The following METTL15 variants were observed in gnomAD, a reference collection of about 807,000 sequenced individuals.
The protein encoded by METTL15 is 12S rRNA N(4)-cytidine methyltransferase METTL15.
In METTL15, 34 loss-of-function variants were observed where a neutral mutation model predicts 38.3. That is an observed-to-expected ratio of 0.89 (90% CI 0.68 to 1.18). The LOEUF is 1.18. Among genes scored for constraint, METTL15 ranks in the 50% most tolerant of loss-of-function variants. METTL15 has a pLI of 0.00. For missense variants in METTL15, 438 were observed against 498.4 expected (o/e 0.88, Z 1.15); for synonymous variants, 162 against 170.9 (o/e 0.95, Z 0.41).
chr11:28,362,633 T>C (rs986881910), intron 5 of METTL15, among the ~76,000 whole-genome samples: 3 of 152,218 alleles, frequency 2.0e-5, no homozygotes, highest in African/African-American at 7.2e-5. Context: ...TAATGAATGG[T>C]CTTCAGCTTT....
Position 28,235,813 on chromosome 11 carries a change from C to A in METTL15, c.407+24615C>A, listed in dbSNP as rs201246430. Among the ~76,000 whole-genome samples the A allele has an allele frequency of 1.2e-4, 18 of 152,268 alleles. No individual in the cohort carries two copies. In the East Asian group the frequency reaches 1.4e-3, roughly 11 times the overall value. The stretch of plus-strand genomic sequence containing the variant: ...TACCCTTTATTTCCTTCTCCTGCCT[C>A]ATTGCCCTGGCCAGAACTTCCCACA... On this transcript the variant is annotated intron_variant, in intron 4 of 6. Coordinates refer to ENST00000407364, the MANE Select transcript of METTL15 (RefSeq NM_001113528.2).
intron 6 of METTL15, among the ~76,000 whole-genome samples, chr11:28,428,736 C>T (rs984866123): frequency 1.3e-5 from 2 of 152,172 alleles, no homozygotes; most frequent in Admixed American, 6.5e-5. Flanking sequence ...ACATAATCCT[C>T]GACCTAGTCC....
chr11:28,527,870 CTT>C (rs1248572922), downstream of METTL15, among the ~76,000 whole-genome samples: 3 of 152,152 alleles, frequency 2.0e-5, no homozygotes, highest in Non-Finnish European at 4.4e-5. Context: ...TGAAGTGACA[CTT>C]TGTCTTATGA....
intron 4 of METTL15, among the ~76,000 whole-genome samples, chr11:28,233,184 G>A (rs78503955): frequency 0.087 from 13,173 of 151,972 alleles, 1,027 homozygotes; most frequent in East Asian, 0.36. Flanking sequence ...CAAAAATAGA[G>A]TGCACTATAA....
intron 4 of METTL15, among the ~76,000 whole-genome samples, chr11:28,234,095 A>G (rs1313218792): frequency 5.9e-5 from 9 of 151,904 alleles, no homozygotes; most frequent in African/African-American, 1.2e-4. Context: ...GAGAATGATA[A>G]TTTCCAATTT....
At chr11:28,279,430 C>T (rs1207688538) in intron 4 of METTL15, among the ~76,000 whole-genome samples, 2 of 152,076 alleles carry the variant, frequency 1.3e-5, no homozygotes, top group Non-Finnish European at 1.5e-5. Flanking sequence ...TTAAATCTAC[C>T]CACCATGTTT....
chr11:28,120,094 G>A (rs1167737020), intron 3 of METTL15, among the ~76,000 whole-genome samples: 1 of 152,042 alleles, frequency 6.6e-6, no homozygotes, highest in East Asian at 1.9e-4. Flanking sequence ...TGGAACTACA[G>A]GCGCCTGCCA....
chr11:28,397,236 C>A lies in METTL15; in HGVS notation c.*359-27063C>A, dbSNP rs937478692. Among the ~76,000 whole-genome samples the A allele has an allele frequency of 1.4e-4, 22 of 152,088 alleles. 1 individual carries two copies. Among genetic ancestry groups the A allele is most frequent in the African/African-American group, 5.3e-4 (22 of 41,518 alleles). ...CAATGGCAACAAAAGCCAAAATTGA[C>A]AAATGGGATCTAATTGAACTAAAGA... On this transcript the variant is annotated intron_variant and NMD_transcript_variant, in intron 5 of 7. Transcript: ENST00000532947.
intron 5 of METTL15, among the ~76,000 whole-genome samples, chr11:28,409,304 C>T (rs1850704156): frequency 6.9e-6 from 1 of 145,454 alleles, no homozygotes; most frequent in Non-Finnish European, 1.5e-5. Context: ...ATGGCATGAA[C>T]CCAGGAGGCA....
At chr11:28,521,428 G>A (rs1851764399) in intron 6 of METTL15, among the ~76,000 whole-genome samples, 1 of 152,200 alleles carries the variant, frequency 6.6e-6, no homozygotes, top group Non-Finnish European at 1.5e-5. Context: ...TGGGAGAGTT[G>A]GGTGTATAAG....
At chr11:28,515,889 G>A (rs1208315079) in intron 6 of METTL15, among the ~76,000 whole-genome samples, 3 of 152,196 alleles carry the variant, frequency 2.0e-5, no homozygotes, top group Non-Finnish European at 2.9e-5. Flanking sequence ...CTCTAAGTCA[G>A]TCTCTAGCTA....
chr11:28,305,413 C>G lies in METTL15; in HGVS notation c.778+8482C>G, dbSNP rs149753110. On this transcript the variant is annotated intron_variant, in intron 6 of 6. Transcript: ENST00000407364. ...ACTAGGTATTATGTGAAATCATTTTCTTGTATTAACTCACTTAATCTTCAC... is the reference window on the plus strand; with the variant it reads ...ACTAGGTATTATGTGAAATCATTTTGTTGTATTAACTCACTTAATCTTCAC... 3.4e-3 allele frequency among the ~76,000 whole-genome samples: 511 copies of G among 152,246 alleles called. 6 individuals carry two copies. The highest frequency in any genetic ancestry group is 0.012 in the African/African-American group (493 of 41,560).
the METTL15 span, among the ~76,000 whole-genome samples, chr11:28,532,116 C>T: frequency 5.7e-3 from 860 of 152,192 alleles, 7 homozygotes; most frequent in Admixed American, 0.021. Flanking sequence ...TAATCTATAT[C>T]CATCCATTTG....
chr11:28,382,694 G>T (rs573714191), intron 5 of METTL15, among the ~76,000 whole-genome samples: 27 of 152,100 alleles, frequency 1.8e-4, no homozygotes, highest in South Asian at 6.3e-4. Flanking sequence ...ACTTAGCCAG[G>T]CATGGAGGTG....
At chr11:28,283,676 C>T (rs911536443) in intron 4 of METTL15, among the ~76,000 whole-genome samples, 1 of 152,154 alleles carries the variant, frequency 6.6e-6, no homozygotes, top group African/African-American at 2.4e-5. Flanking sequence ...ATACTTATTA[C>T]AGTCAGAGAA....
intron 6 of METTL15, among the ~76,000 whole-genome samples, chr11:28,449,795 C>T (rs576729551): frequency 4.6e-5 from 7 of 152,186 alleles, no homozygotes; most frequent in Admixed American, 2.6e-4. Flanking sequence ...AGGGGCAATG[C>T]GGAAAGACAC....
At chr11:28,117,852 T>A (rs1022403487) in intron 3 of METTL15, among the ~76,000 whole-genome samples, 2 of 152,196 alleles carry the variant, frequency 1.3e-5, no homozygotes, top group Non-Finnish European at 2.9e-5. Context: ...AATCCATTAT[T>A]TGCTTCTCTT....
intron 6 of METTL15, among the ~76,000 whole-genome samples, chr11:28,471,416 C>A (rs1267604377): frequency 6.6e-6 from 1 of 152,050 alleles, no homozygotes; most frequent in East Asian, 1.9e-4. Context: ...TTCTTTTTTC[C>A]ATTTTTCTTC....
chr11:28,310,085 G>A (rs1051855530), intron 6 of METTL15, among the ~76,000 whole-genome samples: 6 of 151,954 alleles, frequency 3.9e-5, no homozygotes, highest in African/African-American at 1.5e-4. Context: ...AGAAACCTAG[G>A]CACCTATGTT....
Sources: allele counts gnomAD v4.1 joint callset (sites outside exome capture counted in the v4.1 genomes callset), GRCh38; gene constraint gnomAD v4.1.1; transcripts MANE v1.5; gene names NCBI Gene and HGNC (gene_info 2026-07-23, HGNC 2026-07-21).